The following GYS2 variants were observed in gnomAD, a reference collection of about 807,000 sequenced individuals.
GYS2 encodes the protein glycogen synthase 2.
Under a neutral mutation model 85.6 loss-of-function variants are expected in GYS2, and 80 were observed. The ratio of observed to expected loss-of-function variants is 0.93; its 90% CI spans 0.78 to 1.13. GYS2 has a LOEUF of 1.13. Ranked by LOEUF, GYS2 falls within the 50% of genes most tolerant of loss-of-function variation. GYS2 has a pLI of 0.00. For missense variants in GYS2, 881 were observed against 854.9 expected, an observed-to-expected ratio of 1.03 and a Z score of -0.38; for synonymous variants, 328 against 300.7, an observed-to-expected ratio of 1.09 and a Z score of -0.94.
chr12:21,585,167 A>C (rs1944558611), intron 1 of GYS2, among the ~76,000 whole-genome samples: 1 of 152,188 alleles, frequency 6.6e-6, no homozygotes, highest in African/African-American at 2.4e-5. Context: ...GTGTTCCACT[A>C]GCAAAATTTT....
At chr12:21,575,776 T>A in intron 3 of GYS2, 90 bp downstream of exon 3, 1 of 979,598 alleles carries the variant, frequency 1.0e-6, no homozygotes. Flanking sequence ...CATCTCAAAA[T>A]CTGCCTCATT....
At chr12:21,590,812 A>C (rs1944630141) in intron 1 of GYS2, among the ~76,000 whole-genome samples, 1 of 152,162 alleles carries the variant, frequency 6.6e-6, no homozygotes, top group East Asian at 1.9e-4. Context: ...GCACAACCTC[A>C]TCACCACCTT....
intron 1 of GYS2, among the ~76,000 whole-genome samples, chr12:21,584,948 GC>G (rs1347786456): frequency 2.4e-4 from 36 of 152,178 alleles, no homozygotes; most frequent in Non-Finnish European, 5.0e-4. Flanking sequence ...TCCTGAAGCA[GC>G]TTTTGAATGG....
intron 1 of GYS2, among the ~76,000 whole-genome samples, chr12:21,596,358 C>T (rs548220261): frequency 2.0e-5 from 3 of 151,864 alleles, no homozygotes; most frequent in African/African-American, 7.3e-5. Flanking sequence ...TAACAAAATA[C>T]TAGATAACCA....
At chr12:21,603,381 C>T (rs777529926) in intron 1 of GYS2, among the ~76,000 whole-genome samples, 3 of 152,110 alleles carry the variant, frequency 2.0e-5, no homozygotes, top group Admixed American at 1.3e-4. Context: ...GAACTTTGAA[C>T]AGTTAGTATA....
chr12:21,572,922 G>A lies in GYS2; in HGVS notation c.678+1222C>T, dbSNP rs61926861. Among the ~76,000 whole-genome samples, 1,013 of 152,254 alleles carry A rather than the reference G, an allele frequency of 6.7e-3. 11 individuals are homozygous for A. Among genetic ancestry groups the A allele is most frequent in the Non-Finnish European group, 1.0e-2 (679 of 67,998 alleles). ...AGTGCACTCCTCTCCAGGAAGCATG[G>A]TTGTTGAGCTTACCAGCTTATCACA... On this transcript the variant is annotated intron_variant, in intron 4 of 15. Coordinates refer to ENST00000261195, the MANE Select transcript of GYS2 (RefSeq NM_021957.4).
rs148128660 is a variant in GYS2 at position 21,560,178 on chromosome 12, C to T, written c.1169+208G>A. Among the ~76,000 whole-genome samples the T allele has an allele frequency of 5.4e-4, 82 of 152,204 alleles. 3 individuals carry two copies. In the East Asian group the frequency reaches 0.012, roughly 23 times the overall value. ...CAGGGCCTTGTTCCTTCAATGGTAG[C>T]TCATTCCAAAATTTGTATAACACCT... On this transcript the variant is annotated intron_variant, in intron 8 of 15. Transcript: ENST00000261195.
Position 21,592,616 on chromosome 12 carries a change from C to T in GYS2, c.121+11856G>A, listed in dbSNP as rs775803144. 7.2e-5 allele frequency among the ~76,000 whole-genome samples: 11 copies of T among 152,042 alleles called. No homozygotes were observed. In the South Asian group the frequency reaches 2.1e-3, roughly 29 times the overall value. On this transcript the variant is annotated intron_variant, in intron 1 of 15. Transcript: ENST00000261195. The stretch of plus-strand genomic sequence containing the variant: ...CAATTCTAAACATTCACACTCAACA[C>T]CAGAGCATCCAGATATGTAAAGCAA...
intron 7 of GYS2, among the ~76,000 whole-genome samples, chr12:21,562,698 C>CAAA (rs60049724): frequency 3.2e-4 from 31 of 98,256 alleles, no homozygotes; most frequent in Admixed American, 5.2e-4. Context: ...TAAGATTCTC[C>CAAA]AAAAAAAAAA....
chr12:21,545,186 T>C (rs1221925225), intron 12 of GYS2, among the ~76,000 whole-genome samples: 1 of 152,218 alleles, frequency 6.6e-6, no homozygotes, highest in Admixed American at 6.5e-5. Flanking sequence ...CTCACGTCTA[T>C]AATCCCACCA....
At position 21,537,096 on chromosome 12, in the gene GYS2, C is replaced by T. The variant is rs1361888174; in HGVS notation, c.1970G>A (p.Ser657Asn). 6.2e-7 allele frequency: 1 copy of T among 1,613,846 alleles called. No individual in the cohort carries two copies. Among genetic ancestry groups the T allele is most frequent in the South Asian group, 1.1e-5 (1 of 91,068 alleles). The change falls in exon 16 of 16, where the codon AGT becomes AAT. Residue 657 changes from serine (S) to asparagine (N), a missense_variant. Ser to Asn is a conservative substitution (Grantham distance 46). Transcript: ENST00000261195. ...ATCCTCCACTTCATCTTCCACATCA[C>T]TGCTCTGAGGACTGGAGGCCTGAGA... ...SGSQASSPQS[S>N]DVEDEVEDER...
intron 9 of GYS2, 41 bp from the exon 10 acceptor site, chr12:21,559,210 G>T: frequency 9.1e-7 from 1 of 1,104,592 alleles, no homozygotes; most frequent in Non-Finnish European, 1.4e-6. Flanking sequence ...AAAAACAGCT[G>T]GCACTAATTC....
At chr12:21,582,276 G>T (rs1468749772) in intron 1 of GYS2, among the ~76,000 whole-genome samples, 1 of 152,150 alleles carries the variant, frequency 6.6e-6, no homozygotes, top group Non-Finnish European at 1.5e-5. Flanking sequence ...TAATATTTCA[G>T]TCAGTGGGCT....
At chr12:21,539,498 CA>C (rs1490292456) in intron 14 of GYS2, among the ~76,000 whole-genome samples, 160 bp from the exon 15 acceptor site, 1 of 152,150 alleles carries the variant, frequency 6.6e-6, no homozygotes, top group African/African-American at 2.4e-5. Flanking sequence ...AAAGAAATTA[CA>C]GTTTATAGTT....
chr12:21,604,490 A>T lies in GYS2; in HGVS notation c.103T>A (p.Trp35Arg), dbSNP rs1944784970. The change falls in exon 1 of 16, where the codon TGG becomes AGG. Residue 35 changes from tryptophan to arginine, a missense_variant. Transcript: ENST00000261195. ...TACAAACCTTTATTGGTCACTTCCC[A>T]AGCAACTTCAAAGAGCAGTAACTCC... ...VEELLLFEVA[W>R]EVTNKVGGIY... 6.2e-7 allele frequency: 1 copy of T among 1,610,636 alleles called. No individual in the cohort carries two copies. The highest frequency in any genetic ancestry group is 1.3e-5 in the African/African-American group (1 of 74,806).
At chr12:21,577,615 AAG>A (rs1393537528) in intron 2 of GYS2, among the ~76,000 whole-genome samples, 2 of 152,148 alleles carry the variant, frequency 1.3e-5, no homozygotes, top group African/African-American at 4.8e-5. Flanking sequence ...TGCCTTCACT[AAG>A]AAATGTTTTC....
chr12:21,548,062 A>G (rs890654807), intron 11 of GYS2, among the ~76,000 whole-genome samples: 4 of 150,902 alleles, frequency 2.7e-5, no homozygotes, highest in Non-Finnish European at 5.9e-5. Context: ...TGATGGCTGA[A>G]TATAGCTCTG....
chr12:21,546,586 A>C, intron 11 of GYS2, 116 bp from the exon 12 acceptor site: 1 of 655,634 alleles, frequency 1.5e-6, no homozygotes, highest in Non-Finnish European at 2.6e-6. Flanking sequence ...TTCTAGATTC[A>C]GAAAGAAAAA....
At chr12:21,583,359 C>CAAATAG (rs919122372) in intron 1 of GYS2, among the ~76,000 whole-genome samples, 7 of 152,154 alleles carry the variant, frequency 4.6e-5, no homozygotes, top group Non-Finnish European at 1.0e-4. Flanking sequence ...ATAGGCACAA[C>CAAATAG]GCCTAGTGGG....
Sources: gnomAD v4.1 joint callset for allele counts (sites outside exome capture counted in the v4.1 genomes callset) on GRCh38, gnomAD v4.1.1 for gene constraint, MANE v1.5 for transcripts, NCBI Gene and HGNC (gene_info 2026-07-23, HGNC 2026-07-21) for gene names.